Variants in ZC3H6 observed in about 807,000 individuals in gnomAD.
The protein encoded by ZC3H6 is zinc finger CCCH-type containing 6, also known as zinc finger CCCH domain-containing protein 6.
ZC3H6 carries 40 observed loss-of-function variants against 107.7 expected under a neutral mutation model. The observed-to-expected ratio is 0.37, with a 90% confidence interval of 0.29 to 0.48. The LOEUF is 0.48. Ranked by LOEUF, ZC3H6 falls within the 20% of genes least tolerant of loss-of-function variation. The pLI is 0.98. For missense variants in ZC3H6, 1,267 were observed against 1,410.4 expected, an observed-to-expected ratio of 0.90 and a Z score of 1.63; for synonymous variants, 493 against 487.9, an observed-to-expected ratio of 1.01 and a Z score of -0.14.
At chr2:112,286,366 C>A in intron 1 of ZC3H6, 1 of 203,038 alleles carries the variant, frequency 4.9e-6, no homozygotes, top group South Asian at 8.1e-5. Context: ...ATGTCCTGTT[C>A]GGCTGGGTTG....
In ZC3H6 at chr2:112,321,765, C is replaced by A. The variant is rs748542585; in HGVS notation, c.986C>A (p.Pro329Gln). The A allele has an allele frequency of 1.3e-6, 2 of 1,491,968 alleles. No individual in the cohort carries two copies. The highest frequency in any genetic ancestry group is 4.8e-5 in the Admixed American group (2 of 42,048). 92.4% of individuals were successfully genotyped at this position (1,491,968 alleles called of 1,614,324 possible). A position where few individuals can be genotyped will look rare whatever the true frequency, so the allele number is the denominator to read the frequency against. ...TAATATTTTTATTTACATGAATTTCCATGCAAGTTCTATCATAGTGGAGCA... is the reference window on the plus strand; with the variant it reads ...TAATATTTTTATTTACATGAATTTCAATGCAAGTTCTATCATAGTGGAGCA... Reference protein sequence around the residue: ...ENCIYMHNEFPCKFYHSGAKC... With the variant: ...ENCIYMHNEFQCKFYHSGAKC... The change falls in exon 8 of 12, where the codon CCA becomes CAA. Residue 329 changes from proline to glutamine, a missense_variant. By Grantham distance (76) the Pro-to-Gln change is moderately conservative. Transcript: ENST00000409871.
intron 7 of ZC3H6, among the ~76,000 whole-genome samples, chr2:112,321,115 C>A (rs1046766480): frequency 3.3e-5 from 5 of 151,886 alleles, no homozygotes; most frequent in African/African-American, 9.7e-5. Flanking sequence ...ACATACATCA[C>A]CTGAGAGTGG....
At chr2:112,283,203 T>C (rs978497393) in intron 1 of ZC3H6, among the ~76,000 whole-genome samples, 6 of 152,180 alleles carry the variant, frequency 3.9e-5, no homozygotes, top group African/African-American at 1.4e-4. Context: ...GCTGCTGATG[T>C]GTACCAACCA....
intron 11 of ZC3H6, among the ~76,000 whole-genome samples, chr2:112,326,624 T>C (rs138694707): frequency 1.1e-3 from 163 of 152,280 alleles, no homozygotes; most frequent in African/African-American, 3.8e-3. Flanking sequence ...TTGTTTTGTT[T>C]TGTTTTAAGA....
chr2:112,304,517 C>G (rs1676439918), intron 3 of ZC3H6, among the ~76,000 whole-genome samples: 1 of 152,284 alleles, frequency 6.6e-6, no homozygotes, highest in Admixed American at 6.5e-5. Context: ...GGTCATCCCT[C>G]TGTGTGCAGG....
In ZC3H6 at chr2:112,310,086, A is replaced by G. The variant is rs530095924; in HGVS notation, c.538A>G (p.Thr180Ala). 1.2e-6 allele frequency: 2 copies of G among 1,613,594 alleles called. No homozygotes were observed. Among genetic ancestry groups the G allele is most frequent in the Admixed American group, 3.3e-5 (2 of 59,946 alleles). The change falls in exon 4 of 12, where the codon ACC becomes GCC. Residue 180 changes from threonine (T) to alanine (A), a missense_variant. By Grantham distance (58) the Thr-to-Ala change is moderately conservative (BLOSUM62 0). Transcript: ENST00000409871. ...QLKQYRQAKE[T>A]SNIALGSSFS... ...GAAACAATACAGGCAAGCTAAAGAA[A>G]CCTCAAATATTGCTTTAGGGTCATC...
At chr2:112,328,377 A>G (rs971554845) in intron 11 of ZC3H6, among the ~76,000 whole-genome samples, 3 of 152,120 alleles carry the variant, frequency 2.0e-5, no homozygotes, top group Non-Finnish European at 4.4e-5. Flanking sequence ...GAAGAACACT[A>G]TTGGTATTTT....
intron 3 of ZC3H6, among the ~76,000 whole-genome samples, 190 bp downstream of exon 3, chr2:112,303,541 C>T (rs962255945): frequency 3.3e-5 from 5 of 152,112 alleles, no homozygotes; most frequent in Non-Finnish European, 5.9e-5. Flanking sequence ...AATAACATCT[C>T]GTTTTCCCCT....
chr2:112,289,607 G>A (rs1676060905), intron 1 of ZC3H6, among the ~76,000 whole-genome samples: 2 of 152,176 alleles, frequency 1.3e-5, no homozygotes. Context: ...TTACAGGCGT[G>A]AGCCACCGCG....
chr2:112,324,266 G>C lies in ZC3H6; in HGVS notation c.1455G>C (p.Met485Ile), dbSNP rs1280645677. 3.7e-6 allele frequency: 6 copies of C among 1,613,868 alleles called. No homozygotes were observed. Among genetic ancestry groups the C allele is most frequent in the Non-Finnish European group, 5.1e-6 (6 of 1,179,774 alleles). Residue 485 changes from methionine (M) to isoleucine (I), a missense_variant, in exon 10 of 12, where the codon ATG becomes ATC. Around this residue, in one of 3 missense-constraint regions of ZC3H6, gnomAD observed 925 missense variants for 1,025.7 expected, o/e 0.90. Transcript: ENST00000409871. ...CAAGTCCAGGTCCTGGACCTAACAT[G>C]TCTCAGGGACACAGTAGTCCTGTGA... ...SGSSPGPGPN[M>I]SQGHSSPVMH...
intron 1 of ZC3H6, among the ~76,000 whole-genome samples, chr2:112,291,782 G>A (rs551122687): frequency 7.2e-5 from 11 of 151,958 alleles, no homozygotes; most frequent in African/African-American, 2.2e-4. Context: ...GCAGTGGCTC[G>A]ATCTTAGCTC....
At chr2:112,305,750 G>T (rs918435177) in intron 3 of ZC3H6, among the ~76,000 whole-genome samples, 3 of 152,034 alleles carry the variant, frequency 2.0e-5, no homozygotes, top group Admixed American at 6.6e-5. Flanking sequence ...TATTTATTAG[G>T]CCAATGTGTT....
intron 11 of ZC3H6, among the ~76,000 whole-genome samples, chr2:112,327,141 G>A (rs182690268): frequency 6.6e-4 from 100 of 152,232 alleles, no homozygotes; most frequent in African/African-American, 2.2e-3. Context: ...CCCACCAACG[G>A]TGTATGAAGG....
chr2:112,290,259 G>T (rs1180150239), intron 1 of ZC3H6, among the ~76,000 whole-genome samples: 1 of 152,218 alleles, frequency 6.6e-6, no homozygotes, highest in African/African-American at 2.4e-5. Flanking sequence ...AGTGACACTG[G>T]CCTTGTCTCA....
chr2:112,308,352 A>T (rs955887006), intron 3 of ZC3H6, among the ~76,000 whole-genome samples: 1 of 151,862 alleles, frequency 6.6e-6, no homozygotes, highest in East Asian at 1.9e-4. Flanking sequence ...ATTGCATTTC[A>T]TTAAATACGT....
intron 5 of ZC3H6, 102 bp downstream of exon 5, chr2:112,312,039 AT>A: frequency 8.3e-7 from 1 of 1,199,728 alleles, no homozygotes; most frequent in Non-Finnish European, 1.1e-6. Context: ...TCTCTAGTAA[AT>A]GAAAAATTAC....
In ZC3H6 at chr2:112,335,233, G is replaced by C. The variant is rs1677119154; in HGVS notation, c.*2745G>C. On this transcript the variant is annotated 3_prime_UTR_variant, in exon 12 of 12. Coordinates refer to ENST00000409871, the MANE Select transcript of ZC3H6 (RefSeq NM_198581.3). ...TTCTATATGGACCCTCTATTTCCCA[G>C]CTGAATGTTTCAAACCCCCAAATTA... 6.6e-6 allele frequency: 1 copy of C among 152,164 alleles called. No homozygotes were observed. The allele number at this position is 152,164 out of a possible 1,614,324, so 9.4% of individuals were successfully genotyped here.
intron 7 of ZC3H6, among the ~76,000 whole-genome samples, chr2:112,318,686 C>T (rs186389305): frequency 6.6e-6 from 1 of 152,264 alleles, no homozygotes; most frequent in African/African-American, 2.4e-5. Flanking sequence ...ATGGTGCATT[C>T]CTATGGAGGA....
chr2:112,314,625 A>G (rs576242853), intron 5 of ZC3H6, among the ~76,000 whole-genome samples: 1 of 152,148 alleles, frequency 6.6e-6, no homozygotes, highest in Admixed American at 6.5e-5. Flanking sequence ...TATATTCCTC[A>G]GGTTGCTCAT....
Sources: gnomAD v4.1 joint callset for allele counts (sites outside exome capture counted in the v4.1 genomes callset) on GRCh38, gnomAD v4.1.1 for gene constraint, gnomAD v4.1.1 regional missense constraint, MANE v1.5 for transcripts, NCBI Gene and HGNC (gene_info 2026-07-23, HGNC 2026-07-21) for gene names.